The following LGALS2 variants were observed in gnomAD, a reference collection of about 807,000 sequenced individuals.
The protein encoded by LGALS2 is galectin-2.
Under a neutral mutation model 10.1 loss-of-function variants are expected in LGALS2, and 7 were observed. The observed-to-expected ratio is 0.70, with a 90% confidence interval of 0.40 to 1.31. The LOEUF is 1.31. LGALS2 is among the 50% of genes most tolerant of loss of function. The pLI, the probability that LGALS2 is intolerant of heterozygous loss-of-function variation, is 0.01. For synonymous variants in LGALS2, 86 were observed against 64.2 expected (o/e 1.34, Z -1.63); for missense variants, 167 against 163.6 (o/e 1.02, Z -0.11).
chr22:37,577,174 A>G (rs976220890), intron 1 of LGALS2, among the ~76,000 whole-genome samples: 12 of 152,126 alleles, frequency 7.9e-5, no homozygotes, highest in Non-Finnish European at 1.3e-4. Context: ...TGAGATGACC[A>G]GGAAAGAGAA....
At chr22:37,572,887 C>T (rs61430472) in intron 1 of LGALS2, among the ~76,000 whole-genome samples, 2,869 of 150,900 alleles carry the variant, frequency 0.019, 88 homozygotes, top group African/African-American at 0.066. Flanking sequence ...GGGAGAATTG[C>T]TTGAATTCTG....
intron 1 of LGALS2, among the ~76,000 whole-genome samples, chr22:37,574,583 C>T (rs1365650616): frequency 2.0e-5 from 3 of 151,502 alleles, no homozygotes; most frequent in Non-Finnish European, 4.4e-5. Context: ...CTGACCAGGA[C>T]GCAACAGGCA....
intron 1 of LGALS2, among the ~76,000 whole-genome samples, chr22:37,576,223 G>A (rs542754840): frequency 6.6e-6 from 1 of 151,964 alleles, no homozygotes; most frequent in Non-Finnish European, 1.5e-5. Context: ...GAGGCCGAGG[G>A]GGGCGGATCA....
intron 1 of LGALS2, among the ~76,000 whole-genome samples, chr22:37,573,478 C>A (rs1207722187): frequency 6.6e-6 from 1 of 152,168 alleles, no homozygotes; most frequent in Non-Finnish European, 1.5e-5. Flanking sequence ...AGGAGGGTCA[C>A]TTGAGCCCAG....
intron 1 of LGALS2, among the ~76,000 whole-genome samples, chr22:37,579,263 A>AAAAAT (rs71195028): frequency 3.3e-5 from 4 of 121,278 alleles, no homozygotes; most frequent in African/African-American, 1.2e-4. Context: ...AAAAAAAAAA[A>AAAAAT]AGAGAAAGAA....
At chr22:37,578,670 C>T (rs1925758113) in intron 1 of LGALS2, 1 of 152,104 alleles carries the variant, frequency 6.6e-6, no homozygotes, top group Non-Finnish European at 1.5e-5. Context: ...AAGAAATAAG[C>T]TGGGTGGGGT....
At chr22:37,579,347 G>A (rs554029346) in intron 1 of LGALS2, among the ~76,000 whole-genome samples, 92 of 152,166 alleles carry the variant, frequency 6.0e-4, no homozygotes, top group Non-Finnish European at 1.0e-3. Context: ...TGAGGTGGGA[G>A]GATCATTTAA....
At chr22:37,574,061 C>T (rs1189356778) in intron 1 of LGALS2, among the ~76,000 whole-genome samples, 1 of 151,976 alleles carries the variant, frequency 6.6e-6, no homozygotes, top group Non-Finnish European at 1.5e-5. Flanking sequence ...TTTTTCTGGA[C>T]AGTGGTCTGC....
At chr22:37,574,854 A>G (rs1925620211) in intron 1 of LGALS2, among the ~76,000 whole-genome samples, 2 of 147,008 alleles carry the variant, frequency 1.4e-5, no homozygotes, top group African/African-American at 5.0e-5. Context: ...GTATTGCTCA[A>G]CTCTTCCACA....
chr22:37,570,401 G>A lies in LGALS2; in HGVS notation c.261C>T (p.Thr87=), dbSNP rs1411567137. 1.9e-6 allele frequency: 3 copies of A among 1,613,518 alleles called. No homozygotes were observed. Among genetic ancestry groups the A allele is most frequent in the African/African-American group, 1.3e-5 (1 of 74,918 alleles). Residue 87 remains threonine, a synonymous_variant, in exon 4 of 4, where the codon ACC becomes ACT. Transcript: ENST00000215886. The part of the protein sequence containing the change: ...SPGSEVKFTV[T]FESDKFKVKL... Reference sequence around the variant, plus strand: ...TCACCTTGAATTTGTCACTCTCAAAGGTCACTGTGAACTGTGGGGAGGGAG... The same window carrying A: ...TCACCTTGAATTTGTCACTCTCAAAAGTCACTGTGAACTGTGGGGAGGGAG...
intron 3 of LGALS2, 47 bp from the exon 4 acceptor site, chr22:37,570,459 G>T: frequency 6.2e-7 from 1 of 1,607,946 alleles, no homozygotes; most frequent in Non-Finnish European, 8.5e-7. Flanking sequence ...CTGGAAATGG[G>T]CCAGGGCAGT....
intron 2 of LGALS2, among the ~76,000 whole-genome samples, chr22:37,571,167 C>A (rs140863037): frequency 2.0e-5 from 3 of 152,262 alleles, no homozygotes; most frequent in Admixed American, 6.5e-5. Context: ...GAAAGTGGGG[C>A]ATTCTGGGTC....
At position 37,570,251 on chromosome 22, in the gene LGALS2, G is replaced by A. The variant is rs200950184; in HGVS notation, c.*12C>T. 2.5e-6 allele frequency: 4 copies of A among 1,595,752 alleles called. No homozygotes were observed. The East Asian group carries it at 6.8e-5, about 27-fold the overall frequency. ...AGAAGAACCAGGACAGAGAATCTCGGCTGGAAGTCTTTTATTCTTTTAACT... is the reference window on the plus strand; with the variant it reads ...AGAAGAACCAGGACAGAGAATCTCGACTGGAAGTCTTTTATTCTTTTAACT... On this transcript the variant is annotated 3_prime_UTR_variant, in exon 4 of 4. Coordinates refer to ENST00000215886, the MANE Select transcript of LGALS2 (RefSeq NM_006498.3).
chr22:37,577,630 C>G (rs2284054), intron 1 of LGALS2, among the ~76,000 whole-genome samples: 70,144 of 151,420 alleles, frequency 0.46, 16,604 homozygotes, highest in African/African-American at 0.52. Context: ...CCGCCTGCCT[C>G]GGCCTCCCAA....
At chr22:37,576,971 G>T (rs1424262213) in intron 1 of LGALS2, among the ~76,000 whole-genome samples, 1 of 137,766 alleles carries the variant, frequency 7.3e-6, no homozygotes, top group Non-Finnish European at 1.6e-5. Context: ...CTGGGTGGGG[G>T]TGTGGTCGTC....
intron 2 of LGALS2, 100 bp downstream of exon 2, chr22:37,571,749 G>C (rs889172498): frequency 4.4e-6 from 4 of 907,890 alleles, no homozygotes; most frequent in African/African-American, 3.3e-5. Flanking sequence ...TTGGCCTGAC[G>C]TCCCTCTTGC....
chr22:37,572,910 G>A (rs1925547939), intron 1 of LGALS2, among the ~76,000 whole-genome samples: 2 of 151,764 alleles, frequency 1.3e-5, no homozygotes, highest in African/African-American at 4.8e-5. Context: ...AGCGGAGGTT[G>A]CCATGAGCTG....
chr22:37,571,343 G>A (rs953432617), intron 2 of LGALS2, among the ~76,000 whole-genome samples: 1 of 152,164 alleles, frequency 6.6e-6, no homozygotes, highest in Admixed American at 6.5e-5. Flanking sequence ...TCCAAGATGC[G>A]CTGACATGTT....
rs1470250780 is a variant in LGALS2 at position 37,579,976 on chromosome 22, A to T, written c.-71T>A. ...TGCTCAGGGTCTCAACTCGTGGTCA[A>T]GCTTATATCCTAGAATATTACACAT... On this transcript the variant is annotated 5_prime_UTR_variant, in exon 1 of 4. The change creates a new upstream start codon in the 5' untranslated region. Coordinates refer to ENST00000215886, the MANE Select transcript of LGALS2 (RefSeq NM_006498.3). 17 of 1,556,206 alleles carry T rather than the reference A, an allele frequency of 1.1e-5. No homozygotes were observed. Among genetic ancestry groups the T allele is most frequent in the Admixed American group, 1.7e-5 (1 of 58,508 alleles).
Sources: gnomAD v4.1 joint callset for allele counts (sites outside exome capture counted in the v4.1 genomes callset) on GRCh38, gnomAD v4.1.1 for gene constraint, MANE v1.5 for transcripts, NCBI Gene and HGNC (gene_info 2026-07-23, HGNC 2026-07-21) for gene names.